The following SLC24A2 variants were observed in gnomAD, a reference collection of about 807,000 sequenced individuals.
The protein encoded by SLC24A2 is sodium/potassium/calcium exchanger 2.
In SLC24A2, 36 loss-of-function variants were observed where a neutral mutation model predicts 62.0. The observed-to-expected ratio is 0.58, with a 90% CI of 0.44 to 0.77. The LOEUF (loss-of-function observed/expected upper bound fraction) is 0.77, where lower values mean the gene tolerates loss of function less well. SLC24A2 is among the 30% of genes least tolerant of loss of function. SLC24A2 has a pLI of 0.00. For missense variants in SLC24A2, 846 were observed against 817.9 expected (o/e 1.03, Z -0.42); for synonymous variants, 358 against 294.0 (o/e 1.22, Z -2.23).
intron 1 of SLC24A2, among the ~76,000 whole-genome samples, chr9:19,787,460 A>C (rs1180236330): frequency 1.3e-5 from 2 of 152,184 alleles, no homozygotes; most frequent in Non-Finnish European, 2.9e-5. Flanking sequence ...ACAATTATTC[A>C]TTGTTTACTT....
At chr9:19,566,507 G>A (rs1266155182) in intron 7 of SLC24A2, among the ~76,000 whole-genome samples, 1 of 151,520 alleles carries the variant, frequency 6.6e-6, no homozygotes, top group East Asian at 1.9e-4. Context: ...CTTTTACACT[G>A]TTGGTGGGAC....
At chr9:19,764,128 AG>A in intron 2 of SLC24A2, among the ~76,000 whole-genome samples, 1 of 152,178 alleles carries the variant, frequency 6.6e-6, no homozygotes, top group East Asian at 1.9e-4. Context: ...CTTGGATGGT[AG>A]TTTGTATTTC....
chr9:19,753,653 C>T (rs1473961925), intron 2 of SLC24A2, among the ~76,000 whole-genome samples: 1 of 152,092 alleles, frequency 6.6e-6, no homozygotes, highest in African/African-American at 2.4e-5. Context: ...TTAATATTTT[C>T]TTATTTTTTC....
the SLC24A2 span, among the ~76,000 whole-genome samples, chr9:19,995,378 G>T: frequency 1.3e-5 from 2 of 151,930 alleles, no homozygotes; most frequent in African/African-American, 4.8e-5. Context: ...GTTATGTGTG[G>T]GTGCCTTAGA....
the SLC24A2 span, among the ~76,000 whole-genome samples, chr9:19,800,986 G>C: frequency 6.6e-6 from 1 of 152,198 alleles, no homozygotes; most frequent in African/African-American, 2.4e-5. Flanking sequence ...TCCACAGGGA[G>C]GGCCAATGGG....
chr9:20,288,913 G>A, the SLC24A2 span, among the ~76,000 whole-genome samples: 1 of 152,116 alleles, frequency 6.6e-6, no homozygotes, highest in African/African-American at 2.4e-5. Flanking sequence ...ATATGTAGGT[G>A]TTCCAGCTGA....
chr9:19,561,798 T>TA, intron 7 of SLC24A2, among the ~76,000 whole-genome samples: 1 of 151,846 alleles, frequency 6.6e-6, no homozygotes, highest in Admixed American at 6.6e-5. Context: ...ACTCCCTTTA[T>TA]AATACCATCA....
rs200706373 is a variant in SLC24A2 at position 19,542,859 on chromosome 9, C to T, written c.1479+7278G>A. On this transcript the variant is annotated intron_variant, in intron 8 of 10. Transcript: ENST00000341998. ...TTGCCAGTATTTTATTGGGGATTTT[C>T]GCATCGATGTTCATCAGGGATACTG... Among the ~76,000 whole-genome samples the T allele has an allele frequency of 1.6e-4, 25 of 152,188 alleles. No individual in the cohort carries two copies. The East Asian group carries it at 1.9e-3, about 12-fold the overall frequency.
the SLC24A2 span, among the ~76,000 whole-genome samples, chr9:20,171,249 C>T: frequency 6.6e-6 from 1 of 151,816 alleles, no homozygotes. Context: ...CCTGGAAACA[C>T]ATCAAAACAG....
the SLC24A2 span, among the ~76,000 whole-genome samples, chr9:19,931,790 T>C: frequency 1.3e-5 from 2 of 152,164 alleles, no homozygotes; most frequent in East Asian, 3.8e-4. Context: ...ACCAGAATAA[T>C]TATGTTCTTT....
chr9:19,790,020 T>A (rs1378535380), upstream of SLC24A2, among the ~76,000 whole-genome samples: 3 of 152,050 alleles, frequency 2.0e-5, no homozygotes, highest in Non-Finnish European at 4.4e-5. Flanking sequence ...CATCAATAAG[T>A]AAAGGGAAGC....
At chr9:19,530,828 G>A (rs911013906) in intron 8 of SLC24A2, among the ~76,000 whole-genome samples, 2 of 152,092 alleles carry the variant, frequency 1.3e-5, no homozygotes, top group East Asian at 1.9e-4. Context: ...ATAAGCTAGA[G>A]GTAGATAAAG....
chr9:20,025,891 C>T, the SLC24A2 span, among the ~76,000 whole-genome samples: 1 of 152,096 alleles, frequency 6.6e-6, no homozygotes, highest in Non-Finnish European at 1.5e-5. Context: ...AGATGCATCA[C>T]TGCTATTAAA....
chr9:19,675,073 T>A (rs1819524143), intron 2 of SLC24A2, among the ~76,000 whole-genome samples: 1 of 152,136 alleles, frequency 6.6e-6, no homozygotes, highest in Admixed American at 6.5e-5. Flanking sequence ...GCTCTCTCCC[T>A]TCCCCTAGGG....
At chr9:19,736,586 G>A in intron 2 of SLC24A2, among the ~76,000 whole-genome samples, 1 of 152,042 alleles carries the variant, frequency 6.6e-6, no homozygotes, top group Non-Finnish European at 1.5e-5. Context: ...TGCCTGTAAT[G>A]CCAGCACTTT....
At chr9:20,106,878 G>C in the SLC24A2 span, among the ~76,000 whole-genome samples, 3 of 152,206 alleles carry the variant, frequency 2.0e-5, no homozygotes, top group South Asian at 6.2e-4. Flanking sequence ...GAAATAAAGG[G>C]TATTCAATTA....
the SLC24A2 span, among the ~76,000 whole-genome samples, chr9:20,145,601 ATGTGTG>A: frequency 4.5e-3 from 664 of 146,124 alleles, 4 homozygotes; most frequent in East Asian, 0.022. Context: ...CATCACATGT[ATGTGTG>A]TGTGTGTGTG....
intron 2 of SLC24A2, among the ~76,000 whole-genome samples, chr9:19,699,153 T>A (rs1587173827): frequency 6.6e-6 from 1 of 152,278 alleles, no homozygotes; most frequent in Middle Eastern, 3.4e-3. Context: ...CAGCTGATTA[T>A]CTTGGTACCT....
At chr9:19,536,145 CTTTT>C (rs536617129) in intron 8 of SLC24A2, among the ~76,000 whole-genome samples, 3 of 114,728 alleles carry the variant, frequency 2.6e-5, no homozygotes, top group African/African-American at 9.3e-5. Flanking sequence ...CTCTGTTTGT[CTTTT>C]TTTTTTTTAT....
Sources: gnomAD v4.1 joint callset for allele counts (sites outside exome capture counted in the v4.1 genomes callset) on GRCh38, gnomAD v4.1.1 for gene constraint, MANE v1.5 for transcripts, NCBI Gene and HGNC (gene_info 2026-07-23, HGNC 2026-07-21) for gene names.